ARHGAP10: variants seen among roughly 807,000 people sequenced by gnomAD.
ARHGAP10 encodes rho GTPase-activating protein 10.
In ARHGAP10, 87 loss-of-function variants were observed where a neutral mutation model predicts 108.6. The ratio of observed to expected loss-of-function variants is 0.80; its 90% CI spans 0.67 to 0.96. The LOEUF (loss-of-function observed/expected upper bound fraction) is 0.96, where lower values mean the gene tolerates loss of function less well. Ranked by LOEUF, ARHGAP10 falls within the 40% of genes least tolerant of loss-of-function variation. The probability of loss-of-function intolerance (pLI) is 0.00; values close to 1 mark genes in which losing one functional copy is unlikely to be tolerated. For missense variants in ARHGAP10, 939 were observed against 954.5 expected (o/e 0.98, Z 0.21); for synonymous variants, 347 against 341.1 (o/e 1.02, Z -0.19).
At chr4:147,980,127 G>A (rs1452906004) in intron 18 of ARHGAP10, among the ~76,000 whole-genome samples, 1 of 152,138 alleles carries the variant, frequency 6.6e-6, no homozygotes, top group Non-Finnish European at 1.5e-5. Flanking sequence ...TAAGGAAAAT[G>A]CTTCCAGCTT....
intron 22 of ARHGAP10, among the ~76,000 whole-genome samples, chr4:148,069,555 CT>C (rs1420287623): frequency 2.0e-5 from 3 of 151,724 alleles, no homozygotes; most frequent in Non-Finnish European, 4.4e-5. Flanking sequence ...TTCATCCTGT[CT>C]TTTATTAATA....
In ARHGAP10 at chr4:147,792,560, T is replaced by G. The variant is rs12332006; in HGVS notation, c.155-30167T>G. ...TACCAACAACTTCCTGTGCTTCTCC[T>G]CACTCCGTCTCTCGGCCTCTTCCCT... On this transcript the variant is annotated intron_variant, in intron 1 of 22. Transcript: ENST00000336498. 4.9e-3 allele frequency among the ~76,000 whole-genome samples: 752 copies of G among 152,314 alleles called. 14 individuals carry two copies. Among genetic ancestry groups the G allele is most frequent in the African/African-American group, 0.017 (713 of 41,562 alleles).
At chr4:147,855,387 G>C (rs1734040166) in intron 4 of ARHGAP10, among the ~76,000 whole-genome samples, 1 of 151,726 alleles carries the variant, frequency 6.6e-6, no homozygotes, top group African/African-American at 2.4e-5. Flanking sequence ...TAGTGGAAGA[G>C]CATAATGAAA....
At chr4:147,819,447 T>G (rs918754789) in intron 1 of ARHGAP10, among the ~76,000 whole-genome samples, 8 of 152,140 alleles carry the variant, frequency 5.3e-5, no homozygotes, top group Admixed American at 2.0e-4. Flanking sequence ...TACTAAAAAT[T>G]ATAAGCCCAC....
chr4:147,964,188 G>A (rs181788296), intron 16 of ARHGAP10, among the ~76,000 whole-genome samples: 3 of 152,168 alleles, frequency 2.0e-5, no homozygotes, highest in African/African-American at 4.8e-5. Flanking sequence ...CCTCCTCTGC[G>A]GGCCCTTACG....
chr4:147,867,320 G>A (rs1006031133), intron 7 of ARHGAP10, among the ~76,000 whole-genome samples: 2 of 152,148 alleles, frequency 1.3e-5, no homozygotes, highest in Non-Finnish European at 2.9e-5. Context: ...AAGAGATTTA[G>A]GAGAATGTTA....
At chr4:147,834,307 G>A (rs1470557944) in intron 3 of ARHGAP10, among the ~76,000 whole-genome samples, 2 of 152,006 alleles carry the variant, frequency 1.3e-5, no homozygotes, top group Non-Finnish European at 2.9e-5. Context: ...CATTTCTGCA[G>A]GGGCAGGGGG....
intron 3 of ARHGAP10, among the ~76,000 whole-genome samples, chr4:147,845,365 C>T (rs1733589940): frequency 6.6e-6 from 1 of 152,162 alleles, no homozygotes; most frequent in South Asian, 2.1e-4. Context: ...CAGTAATTTC[C>T]ACGAAGGCAG....
Position 148,023,294 on chromosome 4 carries a change from C to T in ARHGAP10, c.1748C>T (p.Pro583Leu). 1 of 1,614,150 alleles carries T rather than the reference C, an allele frequency of 6.2e-7. No homozygotes were observed. The highest frequency in any genetic ancestry group is 8.5e-7 in the Non-Finnish European group (1 of 1,179,992). ...CGGACGCCGCCCGATACTACATTCC[C>T]TGAGCCCACCTGCCTGTCAGCATCA... is the stretch of plus-strand genomic sequence containing the variant. ...IFRTPPDTTF[P>L]EPTCLSASPP... Residue 583 changes from proline to leucine, a missense_variant, in exon 19 of 23, where the codon CCT becomes CTT. Pro to Leu is a moderately conservative substitution (Grantham distance 98, BLOSUM62 -3). Transcript: ENST00000336498.
chr4:148,001,684 G>A (rs1393935472), intron 18 of ARHGAP10, among the ~76,000 whole-genome samples: 4 of 151,708 alleles, frequency 2.6e-5, no homozygotes, highest in Non-Finnish European at 5.9e-5. Flanking sequence ...AATTGTGAAT[G>A]GGAGTTCACT....
intron 18 of ARHGAP10, among the ~76,000 whole-genome samples, chr4:147,989,607 A>G (rs950346514): frequency 6.6e-6 from 1 of 152,234 alleles, no homozygotes; most frequent in Non-Finnish European, 1.5e-5. Context: ...TGCTTTTGAA[A>G]GAAGAGAAAT....
chr4:147,931,609 TG>T (rs1737687030), intron 13 of ARHGAP10, among the ~76,000 whole-genome samples: 1 of 152,186 alleles, frequency 6.6e-6, no homozygotes, highest in Non-Finnish European at 1.5e-5. Flanking sequence ...AAACCAAGGT[TG>T]ACCAAGTATC....
At chr4:147,880,146 C>T (rs948870979) in intron 9 of ARHGAP10, among the ~76,000 whole-genome samples, 1 of 152,140 alleles carries the variant, frequency 6.6e-6, no homozygotes, top group African/African-American at 2.4e-5. Context: ...GAATCTGCAG[C>T]TTATTACAAT....
intron 13 of ARHGAP10, among the ~76,000 whole-genome samples, chr4:147,915,531 G>T (rs1736944164): frequency 6.6e-6 from 1 of 151,928 alleles, no homozygotes; most frequent in Non-Finnish European, 1.5e-5. Flanking sequence ...CTTTCTGATT[G>T]GTATGTGTAG....
At chr4:148,006,174 C>T (rs543155654) in intron 18 of ARHGAP10, among the ~76,000 whole-genome samples, 37 of 152,312 alleles carry the variant, frequency 2.4e-4, no homozygotes, top group African/African-American at 8.7e-4. Context: ...AAAGTTCAGC[C>T]ACCCTGGGCC....
chr4:147,892,713 C>T (rs1050509871), intron 10 of ARHGAP10, among the ~76,000 whole-genome samples: 1 of 152,180 alleles, frequency 6.6e-6, no homozygotes, highest in East Asian at 1.9e-4. Flanking sequence ...AAAGGAATCA[C>T]AGGAAGTATG....
intron 1 of ARHGAP10, among the ~76,000 whole-genome samples, chr4:147,794,173 C>T (rs552375340): frequency 2.0e-4 from 31 of 152,142 alleles, no homozygotes; most frequent in South Asian, 1.2e-3. Context: ...ATTTACAGAG[C>T]GGTTATGGTT....
chr4:147,769,426 T>A (rs914467854), intron 1 of ARHGAP10, among the ~76,000 whole-genome samples: 2 of 152,216 alleles, frequency 1.3e-5, no homozygotes, highest in Non-Finnish European at 2.9e-5. Context: ...TTCTGTTTGG[T>A]TTTAATGGTA....
At chr4:147,911,854 C>T (rs1736750364) in intron 12 of ARHGAP10, among the ~76,000 whole-genome samples, 1 of 151,310 alleles carries the variant, frequency 6.6e-6, no homozygotes, top group Non-Finnish European at 1.5e-5. Context: ...AAGCTTGGAG[C>T]ATGGTGTAAA....
Sources: gnomAD v4.1 joint callset for allele counts (sites outside exome capture counted in the v4.1 genomes callset) on GRCh38, gnomAD v4.1.1 for gene constraint, MANE v1.5 for transcripts, NCBI Gene and HGNC (gene_info 2026-07-23, HGNC 2026-07-21) for gene names.